The following MMD2 variants were observed in gnomAD, a reference collection of about 807,000 sequenced individuals.
MMD2 encodes the protein monocyte to macrophage differentiation associated 2, also known as monocyte to macrophage differentiation factor 2.
In MMD2, 30 loss-of-function variants were observed where a neutral mutation model predicts 33.5. The ratio of observed to expected loss-of-function variants is 0.90; its 90% CI spans 0.67 to 1.22. MMD2 has a LOEUF of 1.22. Ranked by LOEUF, MMD2 falls within the 50% of genes most tolerant of loss-of-function variation. The pLI, the probability that MMD2 is intolerant of heterozygous loss-of-function variation, is 0.00. For missense variants in MMD2, 364 were observed against 325.4 expected (o/e 1.12, Z -0.91); for synonymous variants, 129 against 123.0 (o/e 1.05, Z -0.32).
At chr7:4,903,085 C>T (rs372832075), downstream of MMD2, among the ~76,000 whole-genome samples, 1 of 152,040 alleles carries the variant, frequency 6.6e-6, no homozygotes, top group Admixed American at 6.6e-5. Context: ...TAAAAATACA[C>T]AAATTAGCTG....
chr7:4,912,788 C>T (rs1381414094), intron 4 of MMD2, among the ~76,000 whole-genome samples: 1 of 152,038 alleles, frequency 6.6e-6, no homozygotes, highest in Non-Finnish European at 1.5e-5. Flanking sequence ...TCACTGCACC[C>T]TTCGCCTCCC....
downstream of MMD2, among the ~76,000 whole-genome samples, chr7:4,905,259 G>A (rs444496): frequency 2.7e-5 from 4 of 149,434 alleles, no homozygotes; most frequent in Admixed American, 6.7e-5. The surrounding 1 kb of genome is among the most constrained non-coding windows in gnomAD (Gnocchi z 5.0). Context: ...AGGAGAAGAG[G>A]AGGAGGAGGA....
intron 1 of MMD2, among the ~76,000 whole-genome samples, chr7:4,935,966 C>G (rs1452062190): frequency 6.6e-6 from 1 of 151,960 alleles, no homozygotes; most frequent in Non-Finnish European, 1.5e-5. Context: ...AAGCAGATCA[C>G]CTGAGGTCAG....
At chr7:4,936,221 T>C (rs980133861) in intron 1 of MMD2, among the ~76,000 whole-genome samples, 1 of 148,956 alleles carries the variant, frequency 6.7e-6, no homozygotes, top group African/African-American at 2.5e-5. Flanking sequence ...ATGTAAAGTG[T>C]AACCACATAC....
intron 2 of MMD2, among the ~76,000 whole-genome samples, chr7:4,922,464 C>G (rs1209167649): frequency 6.6e-6 from 1 of 151,760 alleles, no homozygotes; most frequent in Non-Finnish European, 1.5e-5. Flanking sequence ...CAGCAAGACT[C>G]CATTTAAAAA....
intron 1 of MMD2, among the ~76,000 whole-genome samples, chr7:4,931,119 G>T (rs189210363): frequency 6.6e-6 from 1 of 152,098 alleles, no homozygotes; most frequent in Admixed American, 6.6e-5. Context: ...CTAAAGTGCC[G>T]GGGTTACAGG....
intron 1 of MMD2, among the ~76,000 whole-genome samples, chr7:4,939,444 G>T (rs111767363): frequency 6.6e-6 from 1 of 151,996 alleles, no homozygotes; most frequent in Non-Finnish European, 1.5e-5. Flanking sequence ...CCAGGAGGCT[G>T]AGGTGGGAGA....
intron 1 of MMD2, among the ~76,000 whole-genome samples, chr7:4,936,461 TAA>T (rs1473227893): frequency 6.6e-6 from 1 of 152,150 alleles, no homozygotes; most frequent in Non-Finnish European, 1.5e-5. Context: ...GGGTGGGAGA[TAA>T]AGAGTCTTTC....
intron 6 of MMD2, among the ~76,000 whole-genome samples, chr7:4,909,415 G>C (rs1001790122): frequency 6.7e-5 from 10 of 148,294 alleles, no homozygotes; most frequent in African/African-American, 2.5e-4. Context: ...AGGCAGCACA[G>C]GGAGATCCTG....
At chr7:4,892,963 C>A in the MMD2 span, among the ~76,000 whole-genome samples, 3 of 152,138 alleles carry the variant, frequency 2.0e-5, no homozygotes, top group Admixed American at 6.5e-5. Context: ...ATCCTCACGC[C>A]TCTACCTCCC....
At chr7:4,903,901 G>A (rs1784826652), downstream of MMD2, among the ~76,000 whole-genome samples, 1 of 152,136 alleles carries the variant, frequency 6.6e-6, no homozygotes, top group African/African-American at 2.4e-5. Context: ...AAGGAAGAGA[G>A]TGTTGCTGTC....
At chr7:4,955,467 A>G (rs1786359634) in intron 1 of MMD2, among the ~76,000 whole-genome samples, 1 of 152,216 alleles carries the variant, frequency 6.6e-6, no homozygotes, top group Non-Finnish European at 1.5e-5. Context: ...GAAGATACCA[A>G]TACGGTAGAC....
At chr7:4,893,512 A>G in the MMD2 span, among the ~76,000 whole-genome samples, 1 of 151,794 alleles carries the variant, frequency 6.6e-6, no homozygotes, top group South Asian at 2.1e-4. Flanking sequence ...ATGCTTCAGC[A>G]TCCCAAGTAG....
intron 3 of MMD2, among the ~76,000 whole-genome samples, chr7:4,918,273 C>G (rs1240897883): frequency 6.6e-6 from 1 of 152,200 alleles, no homozygotes; most frequent in Non-Finnish European, 1.5e-5. Flanking sequence ...CTGACCAGTA[C>G]AAACTGTGGC....
intron 1 of MMD2, among the ~76,000 whole-genome samples, chr7:4,932,529 C>T (rs181079994): frequency 2.0e-5 from 3 of 151,988 alleles, no homozygotes; most frequent in South Asian, 4.2e-4. Flanking sequence ...GATTCACCAT[C>T]CCCCAGAATT....
rs1453670606 is a variant in MMD2, at chr7:4,940,097, T to G, written c.48-14565A>C. ...CAGCGCAGGTCTGTTGAAGGTCCGATGACGCCAGGAGAGTGGCTGCCCTTG... is the reference window on the plus strand; with the variant it reads ...CAGCGCAGGTCTGTTGAAGGTCCGAGGACGCCAGGAGAGTGGCTGCCCTTG... On this transcript the variant is annotated intron_variant, in intron 1 of 6. Transcript: ENST00000401401. The surrounding 1 kb of genome is among the most constrained non-coding windows in gnomAD (Gnocchi z 5.0). Among the ~76,000 whole-genome samples the G allele has an allele frequency of 6.6e-6, 1 of 152,166 alleles. No individual in the cohort carries two copies. The highest frequency in any genetic ancestry group is 2.4e-5 in the African/African-American group (1 of 41,462).
chr7:4,905,424 G>T (rs1784849913), downstream of MMD2, among the ~76,000 whole-genome samples: 2 of 150,134 alleles, frequency 1.3e-5, no homozygotes, highest in South Asian at 4.3e-4. This position sits in a 1 kb window ranked among gnomAD's most constrained non-coding sequence, Gnocchi z 5.0. Context: ...AGGAGGGGAG[G>T]AAGGGGAAGA....
At chr7:4,909,609 T>A in intron 6 of MMD2, 1 of 629,854 alleles carries the variant, frequency 1.6e-6, no homozygotes, top group Non-Finnish European at 2.9e-6. Flanking sequence ...CTGGCTAATT[T>A]TTTTTTTTTT....
chr7:4,900,140 A>G, the MMD2 span, among the ~76,000 whole-genome samples: 1 of 152,120 alleles, frequency 6.6e-6, no homozygotes, highest in African/African-American at 2.4e-5. Flanking sequence ...ATCTCTACTA[A>G]AAATGCAAAA....
Sources: allele counts gnomAD v4.1 joint callset (sites outside exome capture counted in the v4.1 genomes callset), GRCh38; gene constraint gnomAD v4.1.1; non-coding constraint Gnocchi (gnomAD v3.1); transcripts MANE v1.5; gene names NCBI Gene and HGNC (gene_info 2026-07-23, HGNC 2026-07-21).